Variants in EVI5L observed in about 807,000 individuals in gnomAD.
The protein encoded by EVI5L is EVI5-like protein.
EVI5L carries 30 observed loss-of-function variants against 106.1 expected under a neutral mutation model. That is an observed-to-expected ratio of 0.28 (90% CI 0.21 to 0.38). The LOEUF is 0.38. EVI5L is among the 10% of genes least tolerant of loss of function. The pLI is 1.00. For missense variants in EVI5L, 809 were observed against 1,098.0 expected (o/e 0.74, Z 3.72); for synonymous variants, 489 against 483.3 (o/e 1.01, Z -0.15).
chr19:7,853,023 G>T (rs112306213), intron 8 of EVI5L, 63 bp from the exon 9 acceptor site: 7 of 1,574,446 alleles, frequency 4.4e-6, no homozygotes, highest in South Asian at 1.1e-5. Context: ...AACAGGGCTC[G>T]GGCGGCCCCC....
chr19:7,863,708 T>A lies in EVI5L; in HGVS notation c.*6T>A, dbSNP rs1217390471. Reference sequence around the variant, plus strand: ...GCCAGGGTCTGGACAACTGAGGCCATGCCCAGCGCGCCCGGAGTCAGGAGG... The same window carrying A: ...GCCAGGGTCTGGACAACTGAGGCCAAGCCCAGCGCGCCCGGAGTCAGGAGG... On this transcript the variant is annotated 3_prime_UTR_variant, in exon 20 of 20. Coordinates refer to ENST00000538904, the MANE Select transcript of EVI5L (RefSeq NM_001159944.3). The surrounding 1 kb of genome is among the most constrained non-coding windows in gnomAD (Gnocchi z 7.7). 6.8e-7 allele frequency: 1 copy of A among 1,461,526 alleles called. No homozygotes were observed. Among genetic ancestry groups the A allele is most frequent in the East Asian group, 2.6e-5 (1 of 38,186 alleles). The allele number at this position is 1,461,526 out of a possible 1,614,324, so 90.5% of individuals were successfully genotyped here.
At chr19:7,854,281 C>CAAAAAAA (rs56186481) in intron 10 of EVI5L, among the ~76,000 whole-genome samples, 7 of 94,718 alleles carry the variant, frequency 7.4e-5, no homozygotes, top group Non-Finnish European at 1.3e-4. Flanking sequence ...GACTGTGTCT[C>CAAAAAAA]AAAAAAAAAA....
intron 16 of EVI5L, 36 bp from the exon 17 acceptor site, chr19:7,862,352 C>T (rs1599581121): frequency 6.3e-7 from 1 of 1,580,776 alleles, no homozygotes; most frequent in Non-Finnish European, 8.6e-7. Flanking sequence ...GCCCTGACCG[C>T]CGCCGTCCTC....
In EVI5L at chr19:7,857,106, G is replaced by A; in HGVS notation, c.1215G>A (p.Leu405=). 1 of 1,551,788 alleles carries A rather than the reference G, an allele frequency of 6.4e-7. No homozygotes were observed. The highest frequency in any genetic ancestry group is 8.7e-7 in the Non-Finnish European group (1 of 1,147,002). ...IETLEKESAA[L]ADRLIQGQVT... is the part of the protein sequence containing the mutation. ...TCGCCGGGTAGGAGAGCGCTGCTCT[G>A]GCTGATAGGTTAATCCAGGTACTGT... The change falls in exon 12 of 20, where the codon CTG becomes CTA. Residue 405 remains leucine, a synonymous_variant. Coordinates refer to ENST00000538904, the MANE Select transcript of EVI5L (RefSeq NM_001159944.3). This position sits in a 1 kb window ranked among gnomAD's most constrained non-coding sequence, Gnocchi z 4.5.
rs956155709 is a variant in EVI5L at position 7,844,288 on chromosome 19, C to T, written c.-47-2208C>T. 5.4e-5 allele frequency among the ~76,000 whole-genome samples: 8 copies of T among 149,124 alleles called. No individual in the cohort carries two copies. The East Asian group carries it at 7.9e-4, about 15-fold the overall frequency. Reference sequence around the variant, plus strand: ...TAGAGGTTGCAGTGAGCCAAGATTACGCCATTGCACTCCAGCCTGGGCAAC... The same window carrying T: ...TAGAGGTTGCAGTGAGCCAAGATTATGCCATTGCACTCCAGCCTGGGCAAC... On this transcript the variant is annotated intron_variant, in intron 1 of 19. Transcript: ENST00000538904.
At position 7,843,561 on chromosome 19, in the gene EVI5L, G is replaced by A. The variant is rs1333027895; in HGVS notation, c.-47-2935G>A. 1.4e-4 allele frequency among the ~76,000 whole-genome samples: 6 copies of A among 44,046 alleles called. 1 individual carries two copies. Among genetic ancestry groups the A allele is most frequent in the African/African-American group, 1.8e-4 (3 of 16,434 alleles). 28.9% of individuals were successfully genotyped at this position (44,046 alleles called of 152,430 possible). A position where few individuals can be genotyped will look rare whatever the true frequency, so the allele number is the denominator to read the frequency against. ...TGTCGAGTGTGTGCATGTGTGTATA[G>A]GTATGTGAGTGTGAGAATAGGCATG... On this transcript the variant is annotated intron_variant, in intron 1 of 19. Transcript: ENST00000538904.
At position 7,857,471 on chromosome 19, in the gene EVI5L, TCACACA is replaced by T; in HGVS notation, c.1233+356_1233+361del. On this transcript the variant is annotated intron_variant, in intron 12 of 19. Coordinates refer to ENST00000538904, the MANE Select transcript of EVI5L (RefSeq NM_001159944.3). This position sits in a 1 kb window ranked among gnomAD's most constrained non-coding sequence, Gnocchi z 4.5. ...GGCCCTGGTGTGTGCAGTGCTGCGG[TCACACA>T]CACACACAACACATGCACACACACA... 1 of 471,678 alleles carries T rather than the reference TCACACA, an allele frequency of 2.1e-6. No individual in the cohort carries two copies. Among genetic ancestry groups the T allele is most frequent in the South Asian group, 2.2e-5 (1 of 45,388 alleles). 29.2% of individuals were successfully genotyped at this position (471,678 alleles called of 1,614,324 possible). A position where few individuals can be genotyped will look rare whatever the true frequency, so the allele number is the denominator to read the frequency against.
Position 7,863,705 on chromosome 19 carries a change from C to A in EVI5L, c.*3C>A. 6.8e-7 allele frequency: 1 copy of A among 1,465,938 alleles called. No individual in the cohort carries two copies. Among genetic ancestry groups the A allele is most frequent in the Non-Finnish European group, 9.0e-7 (1 of 1,111,944 alleles). The allele number at this position is 1,465,938 out of a possible 1,614,324, so 90.8% of individuals were successfully genotyped here. On this transcript the variant is annotated 3_prime_UTR_variant, in exon 20 of 20. Transcript: ENST00000538904. The surrounding 1 kb of genome is among the most constrained non-coding windows in gnomAD (Gnocchi z 7.7). ...ACAGCCAGGGTCTGGACAACTGAGG[C>A]CATGCCCAGCGCGCCCGGAGTCAGG...
rs149195027 is a variant in EVI5L at position 7,839,959 on chromosome 19, T to G, written c.-47-6537T>G. ...TTCCAGCCTGGAGAGCAGAGGCCAG[T>G]TGGGAGTGAGGTGTGGGATGTGGGT... On this transcript the variant is annotated intron_variant, in intron 1 of 19. Transcript: ENST00000538904. Among the ~76,000 whole-genome samples the G allele has an allele frequency of 5.9e-5, 9 of 151,704 alleles. No individual in the cohort carries two copies. The East Asian group carries it at 1.6e-3, about 26-fold the overall frequency.
Position 7,849,145 on chromosome 19 carries a change from G to A in EVI5L, c.552G>A (p.Lys184=), listed in dbSNP as rs781393278. 1.9e-6 allele frequency: 3 copies of A among 1,611,086 alleles called. No individual in the cohort carries two copies. The change falls in exon 4 of 20, where the codon AAG becomes AAA. Residue 184 remains lysine (K), a splice_region_variant and synonymous_variant. Transcript: ENST00000538904. ...LGQEVLFNVM[K]AYSLVDREVG... is the part of the protein sequence containing the mutation. ...AGGAGGTCCTCTTCAACGTCATGAA[G>A]GTGAGGCCCAGGGCTCCCCGCTCCC...
intron 6 of EVI5L, 110 bp from the exon 7 acceptor site, chr19:7,851,324 C>A: frequency 7.4e-7 from 1 of 1,360,432 alleles, no homozygotes; most frequent in Non-Finnish European, 1.0e-6. Flanking sequence ...CCTCAGGCTG[C>A]CCAGCGCAGG....
At position 7,863,657 on chromosome 19, in the gene EVI5L, C is replaced by A; in HGVS notation, c.2373C>A (p.Asp791Glu). The A allele has an allele frequency of 6.5e-7, 1 of 1,537,842 alleles. No individual in the cohort carries two copies. The highest frequency in any genetic ancestry group is 8.7e-7 in the Non-Finnish European group (1 of 1,143,656). The change falls in exon 20 of 20, where the codon GAC (aspartate) becomes GAA (glutamate). Residue 791 changes from aspartate to glutamate, a missense_variant. This residue lies in a region of EVI5L where 452 missense variants were observed against 509.9 expected (regional missense o/e 0.89). Transcript: ENST00000538904. This position sits in a 1 kb window ranked among gnomAD's most constrained non-coding sequence, Gnocchi z 7.7. ...ACAGCGAGGGCAGCTCAGACAGCGACGCCGATGAGCTGGCCGCGCCCTACA... is the reference window on the plus strand; with the variant it reads ...ACAGCGAGGGCAGCTCAGACAGCGAAGCCGATGAGCTGGCCGCGCCCTACA... Reference protein sequence around the residue: ...AKDSEGSSDSDADELAAPYSQ... With the variant: ...AKDSEGSSDSEADELAAPYSQ...
Position 7,857,390 on chromosome 19 carries a change from G to T in EVI5L, c.1233+266G>T. The T allele has an allele frequency of 1.2e-5, 7 of 594,766 alleles. No homozygotes were observed. In the South Asian group the frequency reaches 1.2e-4, roughly 10 times the overall value. 36.8% of individuals were successfully genotyped at this position (594,766 alleles called of 1,614,324 possible). A position where few individuals can be genotyped will look rare whatever the true frequency, so the allele number is the denominator to read the frequency against. ...TGCATGTACAGAAAGCTTCCTCCGG[G>T]CGACACAGGGTGGGGACCCAGGAGG... On this transcript the variant is annotated intron_variant, in intron 12 of 19. Coordinates refer to ENST00000538904, the MANE Select transcript of EVI5L (RefSeq NM_001159944.3). The surrounding 1 kb of genome is among the most constrained non-coding windows in gnomAD (Gnocchi z 4.5).
intron 1 of EVI5L, among the ~76,000 whole-genome samples, chr19:7,838,072 T>C (rs1978423459): frequency 1.2e-5 from 1 of 83,784 alleles, no homozygotes; most frequent in Admixed American, 1.5e-4. Context: ...ATCTGTCTGG[T>C]GTGTTTATTT....
intron 13 of EVI5L, 26 bp from the exon 14 acceptor site, chr19:7,860,535 C>A: frequency 6.4e-7 from 1 of 1,554,626 alleles, no homozygotes; most frequent in South Asian, 1.2e-5. Flanking sequence ...GGCCTGGGGC[C>A]CCACGCAGCT....
intron 14 of EVI5L, among the ~76,000 whole-genome samples, chr19:7,861,368 G>A (rs1433733623): frequency 6.6e-6 from 1 of 152,224 alleles, no homozygotes; most frequent in East Asian, 1.9e-4. Context: ...CCAAACACGG[G>A]TCAGTGCGGA....
intron 1 of EVI5L, among the ~76,000 whole-genome samples, chr19:7,831,846 C>T (rs751605941): frequency 1.1e-4 from 17 of 152,200 alleles, no homozygotes; most frequent in Non-Finnish European, 2.4e-4. Context: ...CCTGACAGCC[C>T]GAGAGTTCTT....
At position 7,849,348 on chromosome 19, in the gene EVI5L, G is replaced by A. The variant is rs1366739827; in HGVS notation, c.627+18G>A. On this transcript the variant is annotated intron_variant, in intron 5 of 19. Transcript: ENST00000538904. ...TCATGCAGGTAGGTGGCTGGGGGGT[G>A]GCTGGGCTCCTGCCAGACAACAGCC... 6.2e-7 allele frequency: 1 copy of A among 1,613,328 alleles called. No individual in the cohort carries two copies.
At chr19:7,832,722 C>T (rs1418135752) in intron 1 of EVI5L, among the ~76,000 whole-genome samples, 2 of 152,098 alleles carry the variant, frequency 1.3e-5, no homozygotes, top group Non-Finnish European at 2.9e-5. Context: ...AGGGAGCCAG[C>T]TCGAATCAGA....
Sources: gnomAD v4.1 joint callset for allele counts (sites outside exome capture counted in the v4.1 genomes callset) on GRCh38, gnomAD v4.1.1 for gene constraint, gnomAD v4.1.1 regional missense constraint, Gnocchi (gnomAD v3.1) non-coding constraint, MANE v1.5 for transcripts, NCBI Gene and HGNC (gene_info 2026-07-23, HGNC 2026-07-21) for gene names.